Variants in NEK6 observed in about 807,000 individuals in gnomAD.
The protein encoded by NEK6 is serine/threonine-protein kinase Nek6.
A neutral mutation model predicts 43.5 loss-of-function variants in NEK6; 27 were observed. The observed-to-expected ratio is 0.62, with a 90% CI of 0.46 to 0.86. The LOEUF (loss-of-function observed/expected upper bound fraction) is 0.86, where lower values mean the gene tolerates loss of function less well. NEK6 is among the 40% of genes least tolerant of loss of function. The pLI, the probability that NEK6 is intolerant of heterozygous loss-of-function variation, is 0.00. For synonymous variants in NEK6, 167 were observed against 164.1 expected (o/e 1.02, Z -0.14); for missense variants, 318 against 414.4 (o/e 0.77, Z 2.02).
Position 124,327,267 on chromosome 9 carries a change from C to A in NEK6, c.515-71C>A. 3.1e-6 allele frequency: 4 copies of A among 1,275,080 alleles called. 1 individual carries two copies. In the South Asian group the frequency reaches 3.7e-5, roughly 12 times the overall value. 79.0% of individuals were successfully genotyped at this position (1,275,080 alleles called of 1,614,324 possible). On this transcript the variant is annotated intron_variant, in intron 6 of 9. Coordinates refer to ENST00000320246, the MANE Select transcript of NEK6 (RefSeq NM_014397.6). ...TGGGCTAGGCCTCACCTTCCTCCCC[C>A]TTCCTCTCGTCCTGCCCCACCTACC...
intron 7 of NEK6, among the ~76,000 whole-genome samples, chr9:124,333,794 T>C (rs1193216472): frequency 6.7e-6 from 1 of 149,624 alleles, no homozygotes; most frequent in Non-Finnish European, 1.5e-5. Context: ...TTTTTTTTTT[T>C]TGAGACTGAA....
At chr9:124,344,759 C>T (rs1475190750) in intron 8 of NEK6, among the ~76,000 whole-genome samples, 2 of 152,210 alleles carry the variant, frequency 1.3e-5, no homozygotes, top group African/African-American at 4.8e-5. Flanking sequence ...CATAGGGGGC[C>T]TCCTCGCAGC....
intron 2 of NEK6, among the ~76,000 whole-genome samples, chr9:124,305,960 TGAG>T (rs1327146311): frequency 1.3e-5 from 2 of 152,190 alleles, no homozygotes; most frequent in Non-Finnish European, 2.9e-5. Flanking sequence ...CTGTAGCAAA[TGAG>T]GAGCCCATTA....
At chr9:124,306,924 G>A (rs62583811) in intron 2 of NEK6, among the ~76,000 whole-genome samples, 9 of 152,172 alleles carry the variant, frequency 5.9e-5, no homozygotes, top group Non-Finnish European at 1.0e-4. Flanking sequence ...CTGATGAAGT[G>A]TGCTTTTTAA....
chr9:124,306,192 G>C (rs1485548373), intron 2 of NEK6, among the ~76,000 whole-genome samples: 1 of 152,130 alleles, frequency 6.6e-6, no homozygotes. Context: ...GGTAGTGGAA[G>C]GGATGAGGGA....
intron 2 of NEK6, among the ~76,000 whole-genome samples, chr9:124,307,128 T>C (rs1417108611): frequency 9.6e-6 from 1 of 104,470 alleles, no homozygotes; most frequent in Non-Finnish European, 2.1e-5. Context: ...TATGCTCCTG[T>C]TTAAAAAAAA....
chr9:124,331,623 C>A (rs10986320), intron 7 of NEK6, among the ~76,000 whole-genome samples: 7 of 152,006 alleles, frequency 4.6e-5, no homozygotes, highest in Non-Finnish European at 8.8e-5. Flanking sequence ...TGTTGGTGGA[C>A]GACCTGGAGC....
chr9:124,305,324 G>A (rs1833194312), intron 2 of NEK6, among the ~76,000 whole-genome samples: 1 of 152,228 alleles, frequency 6.6e-6, no homozygotes, highest in Non-Finnish European at 1.5e-5. Flanking sequence ...GGAGGCCAAG[G>A]TGGATGGATC....
intron 1 of NEK6, among the ~76,000 whole-genome samples, chr9:124,289,138 G>A (rs1248352912): frequency 1.4e-5 from 2 of 145,746 alleles, no homozygotes; most frequent in East Asian, 2.0e-4. Flanking sequence ...GAGCCACCAC[G>A]CCTGACCTAG....
intron 2 of NEK6, among the ~76,000 whole-genome samples, chr9:124,308,523 G>T (rs548916510): frequency 6.6e-6 from 1 of 152,250 alleles, no homozygotes; most frequent in Non-Finnish European, 1.5e-5. Context: ...GTGTGGTGGC[G>T]GGCACCTGCT....
upstream of NEK6, chr9:124,257,624 G>A (rs1830859546): frequency 2.0e-6 from 3 of 1,495,826 alleles, no homozygotes; most frequent in South Asian, 1.2e-5. Context: ...AGGCGATGGG[G>A]AATCCGAAGA....
At chr9:124,283,833 C>T (rs1224532331) in intron 1 of NEK6, among the ~76,000 whole-genome samples, 7 of 152,274 alleles carry the variant, frequency 4.6e-5, no homozygotes, top group Non-Finnish European at 1.0e-4. Flanking sequence ...GTAGACTGCA[C>T]GCACATTTTC....
chr9:124,341,697 C>G (rs998532415), intron 8 of NEK6, among the ~76,000 whole-genome samples: 11 of 151,842 alleles, frequency 7.2e-5, no homozygotes, highest in African/African-American at 2.7e-4. Context: ...AGCCCAGCTC[C>G]TGGGTGGGTT....
rs558122163 is a variant in NEK6 at position 124,272,564 on chromosome 9, G to A, written c.-30+14479G>A. The stretch of plus-strand genomic sequence containing the variant: ...CGTGTGAGGTCCCAGCACTCCCAGC[G>A]TCCTGGGAAGGCCTCATCGGGCTTT... On this transcript the variant is annotated intron_variant, in intron 1 of 9. Transcript: ENST00000320246. Among the ~76,000 whole-genome samples the A allele has an allele frequency of 9.8e-5, 15 of 152,352 alleles. No homozygotes were observed. In the South Asian group the frequency reaches 2.5e-3, roughly 25 times the overall value.
intron 9 of NEK6, among the ~76,000 whole-genome samples, 195 bp from the exon 10 acceptor site, chr9:124,350,642 G>A (rs1182280687): frequency 1.3e-5 from 2 of 152,136 alleles, no homozygotes; most frequent in African/African-American, 4.8e-5. Context: ...GAGGGGTACT[G>A]GCTAGCCCTT....
chr9:124,295,423 C>T (rs1013083418), intron 1 of NEK6, among the ~76,000 whole-genome samples: 1 of 152,030 alleles, frequency 6.6e-6, no homozygotes, highest in Non-Finnish European at 1.5e-5. Flanking sequence ...AGACAAGAAG[C>T]GGGGCTGGGG....
At chr9:124,274,656 AG>A (rs895301799) in intron 1 of NEK6, among the ~76,000 whole-genome samples, 20 of 152,272 alleles carry the variant, frequency 1.3e-4, no homozygotes, top group Middle Eastern at 6.8e-3. Flanking sequence ...AGACATCTGG[AG>A]GGTTTTTGCT....
chr9:124,318,539 T>C (rs999164610), intron 4 of NEK6, among the ~76,000 whole-genome samples: 5 of 152,206 alleles, frequency 3.3e-5, no homozygotes, highest in African/African-American at 1.2e-4. Flanking sequence ...ACCCAGCCTA[T>C]TGTGGTTTTG....
chr9:124,333,586 G>A (rs1829131140), intron 7 of NEK6, among the ~76,000 whole-genome samples: 1 of 152,122 alleles, frequency 6.6e-6, no homozygotes, highest in Non-Finnish European at 1.5e-5. Flanking sequence ...AAAGAGTGAG[G>A]TGGGTGAGTG....
Sources: allele counts gnomAD v4.1 joint callset (sites outside exome capture counted in the v4.1 genomes callset), GRCh38; gene constraint gnomAD v4.1.1; transcripts MANE v1.5; gene names NCBI Gene and HGNC (gene_info 2026-07-23, HGNC 2026-07-21).